The following TMEM254 variants were observed in gnomAD, a reference collection of about 807,000 sequenced individuals.
The protein encoded by TMEM254 is transmembrane protein 254.
A neutral mutation model predicts 13.9 loss-of-function variants in TMEM254; 16 were observed. That is an observed-to-expected ratio of 1.15 (90% CI 0.78 to 1.75). The LOEUF is 1.75. Ranked by LOEUF, TMEM254 falls within the 40% of genes most tolerant of loss-of-function variation. The pLI is 0.00. For synonymous variants in TMEM254, 61 were observed against 56.4 expected (o/e 1.08, Z -0.36); for missense variants, 155 against 149.0 (o/e 1.04, Z -0.21).
intron 3 of TMEM254, among the ~76,000 whole-genome samples, chr10:80,085,642 G>A (rs1244734628): frequency 6.6e-6 from 1 of 151,822 alleles, no homozygotes; most frequent in Non-Finnish European, 1.5e-5. Context: ...TGCTATTTTG[G>A]TAGATTAAAA....
At chr10:80,083,100 C>G (rs1205850552) in intron 3 of TMEM254, among the ~76,000 whole-genome samples, 1 of 136,196 alleles carries the variant, frequency 7.3e-6, no homozygotes, top group African/African-American at 2.7e-5. Context: ...AACAAATAAG[C>G]TAGACTTTTT....
chr10:80,091,702 C>G lies in TMEM254; in HGVS notation c.*785C>G, dbSNP rs1278769312. 6 of 152,380 alleles carry G rather than the reference C, an allele frequency of 3.9e-5. No individual in the cohort carries two copies. The highest frequency in any genetic ancestry group is 1.4e-4 in the African/African-American group (6 of 41,596). The allele number at this position is 152,380 out of a possible 1,614,324, so 9.4% of individuals were successfully genotyped here. A position where few individuals can be genotyped will look rare whatever the true frequency, so the allele number is the denominator to read the frequency against. On this transcript the variant is annotated 3_prime_UTR_variant, in exon 4 of 4. Transcript: ENST00000372281. ...ACAGCTTTACCTTTCCCCTCAGCAC[C>G]TGTCCCACTATCTTGCACACAGGTG... is the stretch of plus-strand genomic sequence containing the variant.
chr10:80,078,773 T>A lies in TMEM254; in HGVS notation c.74T>A (p.Phe25Tyr), dbSNP rs1390373182. 1.2e-6 allele frequency: 2 copies of A among 1,606,346 alleles called. No homozygotes were observed. Among genetic ancestry groups the A allele is most frequent in the African/African-American group, 2.7e-5 (2 of 74,784 alleles). The change falls in exon 1 of 4, where the codon TTT becomes TAT. Residue 25 changes from phenylalanine to tyrosine, a missense_variant. Coordinates refer to ENST00000372281, the MANE Select transcript of TMEM254 (RefSeq NM_025125.4). ...LFWFTVITLS[F>Y]GYYTWVVFWP... Reference sequence around the variant, plus strand: ...TGGTTCACAGTCATCACCCTCAGCTTTGGCTACTACACAGTAAGGACAGCC... The same window carrying A: ...TGGTTCACAGTCATCACCCTCAGCTATGGCTACTACACAGTAAGGACAGCC...
chr10:80,086,608 C>T (rs1844326510), intron 3 of TMEM254, among the ~76,000 whole-genome samples: 1 of 151,830 alleles, frequency 6.6e-6, no homozygotes, highest in Non-Finnish European at 1.5e-5. Flanking sequence ...TTTGGGAGGC[C>T]AAGGCGGACG....
At chr10:80,079,322 G>C (rs1305750503) in intron 1 of TMEM254, 10 of 1,198,296 alleles carry the variant, frequency 8.3e-6, no homozygotes, top group Non-Finnish European at 1.1e-5. Context: ...GCGGAAATTC[G>C]GTGGGCTCTT....
chr10:80,083,514 C>G (rs1245258922), intron 3 of TMEM254, among the ~76,000 whole-genome samples: 1 of 152,160 alleles, frequency 6.6e-6, no homozygotes, highest in East Asian at 1.9e-4. Context: ...TCCACCGTAT[C>G]TCTGGATGGA....
intron 1 of TMEM254, chr10:80,081,580 A>G (rs1844024731): frequency 2.8e-6 from 3 of 1,066,758 alleles, no homozygotes; most frequent in Middle Eastern, 2.9e-4. Context: ...AGGTGGGAGG[A>G]TGGATTGAGC....
Position 80,090,990 on chromosome 10 carries a change from G to A in TMEM254, c.*73G>A. ...TTTTTTGTGGGGTAGAGGAGGTGCA[G>A]TAATTTACTCAGTGATCTTTCTACT... On this transcript the variant is annotated 3_prime_UTR_variant, in exon 4 of 4. Transcript: ENST00000372281. The A allele has an allele frequency of 6.4e-7, 1 of 1,553,656 alleles. No individual in the cohort carries two copies. Among genetic ancestry groups the A allele is most frequent in the Non-Finnish European group, 8.7e-7 (1 of 1,149,204 alleles).
chr10:80,079,865 T>G (rs534606354), intron 1 of TMEM254, among the ~76,000 whole-genome samples: 1 of 152,286 alleles, frequency 6.6e-6, no homozygotes, highest in Admixed American at 6.5e-5. Context: ...CCCAGCTATT[T>G]TTTTGTGTTT....
chr10:80,090,643 GAACCATCCAAGAT>G (rs1342845551), intron 3 of TMEM254, among the ~76,000 whole-genome samples, 141 bp from the exon 4 acceptor site: 1 of 151,896 alleles, frequency 6.6e-6, no homozygotes, highest in East Asian at 1.9e-4. Context: ...AAAAATAAAT[GAACCATCCAAGAT>G]AAGCCAGAGA....
Position 80,091,225 on chromosome 10 carries a change from C to A in TMEM254, c.*308C>A. On this transcript the variant is annotated 3_prime_UTR_variant, in exon 4 of 4. Coordinates refer to ENST00000372281, the MANE Select transcript of TMEM254 (RefSeq NM_025125.4). ...GTACCCTCGTGTGCTCTGAGCTAAG[C>A]CACATACTAAACTGACTTTTTGGTT... The A allele has an allele frequency of 4.8e-6, 1 of 208,880 alleles. No individual in the cohort carries two copies. Among genetic ancestry groups the A allele is most frequent in the Non-Finnish European group, 9.5e-6 (1 of 105,630 alleles). The allele number at this position is 208,880 out of a possible 1,614,324, so 12.9% of individuals were successfully genotyped here. A position where few individuals can be genotyped will look rare whatever the true frequency, so the allele number is the denominator to read the frequency against.
chr10:80,090,265 G>A, intron 3 of TMEM254: 1 of 640,316 alleles, frequency 1.6e-6, no homozygotes, highest in Non-Finnish European at 2.9e-6. Flanking sequence ...GACAATATAA[G>A]CAGGTGTTTA....
intron 3 of TMEM254, among the ~76,000 whole-genome samples, chr10:80,083,511 T>C (rs143706944): frequency 1.3e-5 from 2 of 152,338 alleles, no homozygotes; most frequent in East Asian, 3.9e-4. Context: ...CCTTCCACCG[T>C]ATCTCTGGAT....
chr10:80,090,765 C>T (rs1844543185), intron 3 of TMEM254, 32 bp from the exon 4 acceptor site: 2 of 1,598,882 alleles, frequency 1.3e-6, no homozygotes, highest in Admixed American at 1.8e-5. Flanking sequence ...AGATTAACAT[C>T]TCGTGTTTAA....
At chr10:80,079,024 A>G (rs1282730660) in intron 1 of TMEM254, 3 of 1,521,340 alleles carry the variant, frequency 2.0e-6, no homozygotes, top group Non-Finnish European at 1.8e-6. Context: ...GGCTTTTCTT[A>G]TATGGGGGCG....
At position 80,088,791 on chromosome 10, in the gene TMEM254, T is replaced by A. The variant is rs116660984; in HGVS notation, c.252-2006T>A. 6.9e-3 allele frequency among the ~76,000 whole-genome samples: 999 copies of A among 144,722 alleles called. 18 individuals are homozygous for A. Among genetic ancestry groups the A allele is most frequent in the African/African-American group, 0.024 (956 of 39,392 alleles). 94.9% of individuals were successfully genotyped at this position (144,722 alleles called of 152,430 possible). A position where few individuals can be genotyped will look rare whatever the true frequency, so the allele number is the denominator to read the frequency against. The stretch of plus-strand genomic sequence containing the variant: ...TCAAAAAAAAAAAAAAAAGATAGGG[T>A]ATCATTATGTTGCCAAGGCTGATGT... On this transcript the variant is annotated intron_variant, in intron 3 of 3. Transcript: ENST00000372281.
In TMEM254 at chr10:80,082,213, T is replaced by C. The variant is rs1361035466; in HGVS notation, c.251+9T>C. The C allele has an allele frequency of 1.2e-6, 2 of 1,614,082 alleles. No homozygotes were observed. Among genetic ancestry groups the C allele is most frequent in the South Asian group, 2.2e-5 (2 of 91,048 alleles). ...GCCATAGTATTGTGCAAGTAAGTCT[T>C]TGAAGTAGGTGTTTGTTGCCTTTCT... On this transcript the variant is annotated intron_variant, in intron 3 of 3. Transcript: ENST00000372281.
chr10:80,085,916 A>G (rs2132291843), intron 3 of TMEM254, among the ~76,000 whole-genome samples: 1 of 152,246 alleles, frequency 6.6e-6, no homozygotes, highest in East Asian at 1.9e-4. Context: ...TGCATACCCC[A>G]GTTGGCTCTG....
chr10:80,082,079 C>T, intron 2 of TMEM254, 66 bp from the exon 3 acceptor site: 2 of 1,591,870 alleles, frequency 1.3e-6, no homozygotes, highest in South Asian at 1.1e-5. Context: ...TTTGAGATTG[C>T]TGTGTTAGAT....
Sources: gnomAD v4.1 joint callset for allele counts (sites outside exome capture counted in the v4.1 genomes callset) on GRCh38, gnomAD v4.1.1 for gene constraint, MANE v1.5 for transcripts, NCBI Gene and HGNC (gene_info 2026-07-23, HGNC 2026-07-21) for gene names.